The following GSG1L variants were observed in gnomAD, a reference collection of about 807,000 sequenced individuals.
GSG1L encodes the protein GSG1 like.
Under a neutral mutation model 42.1 loss-of-function variants are expected in GSG1L, and 24 were observed. The ratio of observed to expected loss-of-function variants is 0.57; its 90% CI spans 0.41 to 0.80. The LOEUF is 0.80. Ranked by LOEUF, GSG1L falls within the 30% of genes least tolerant of loss-of-function variation. The pLI is 0.00. For missense variants in GSG1L, 445 were observed against 472.2 expected (o/e 0.94, Z 0.53); for synonymous variants, 215 against 203.5 (o/e 1.06, Z -0.48).
At chr16:27,916,489 T>C in intron 2 of GSG1L, among the ~76,000 whole-genome samples, 1 of 140,550 alleles carries the variant, frequency 7.1e-6, no homozygotes, top group Admixed American at 7.0e-5. Flanking sequence ...TTTAATCCTT[T>C]TTTTTTTTTT....
At chr16:27,888,388 CTTTT>C (rs2141028198) in intron 2 of GSG1L, among the ~76,000 whole-genome samples, 1 of 151,988 alleles carries the variant, frequency 6.6e-6, no homozygotes, top group South Asian at 2.1e-4. Flanking sequence ...TTCTTTCTTT[CTTTT>C]CTTTTCTCCT....
intron 2 of GSG1L, among the ~76,000 whole-genome samples, chr16:27,921,069 C>T (rs1044831789): frequency 6.6e-6 from 1 of 152,208 alleles, no homozygotes; most frequent in Non-Finnish European, 1.5e-5. Flanking sequence ...CAAACATTTG[C>T]TGTGACCAGA....
chr16:28,057,102 G>A (rs1364071196), intron 1 of GSG1L, among the ~76,000 whole-genome samples: 5 of 152,156 alleles, frequency 3.3e-5, no homozygotes, highest in African/African-American at 1.2e-4. Flanking sequence ...GAGTGGGGAA[G>A]GGCAGGAGGC....
At chr16:27,945,549 G>A (rs755180129) in intron 2 of GSG1L, among the ~76,000 whole-genome samples, 1 of 152,188 alleles carries the variant, frequency 6.6e-6, no homozygotes, top group African/African-American at 2.4e-5. Context: ...GACAAGCAGG[G>A]GCCAGGGCAT....
chr16:27,892,771 CAGA>C (rs1220434667), intron 2 of GSG1L, among the ~76,000 whole-genome samples: 1 of 114,456 alleles, frequency 8.7e-6, no homozygotes, highest in Non-Finnish European at 1.7e-5. Flanking sequence ...GCCTGAGTGA[CAGA>C]AGGAGACTCA....
intron 1 of GSG1L, among the ~76,000 whole-genome samples, chr16:27,977,941 GA>G (rs1318198807): frequency 7.2e-5 from 11 of 152,228 alleles, no homozygotes; most frequent in Admixed American, 2.6e-4. Flanking sequence ...TTTGCAGCAT[GA>G]GAATCAAACA....
At chr16:28,016,186 G>A (rs1008670445) in intron 1 of GSG1L, among the ~76,000 whole-genome samples, 11 of 151,974 alleles carry the variant, frequency 7.2e-5, no homozygotes, top group Non-Finnish European at 1.2e-4. Flanking sequence ...GATGGGTTTC[G>A]CCATGTTGAC....
intron 2 of GSG1L, among the ~76,000 whole-genome samples, chr16:27,947,222 G>A (rs2084882865): frequency 6.6e-6 from 1 of 152,054 alleles, no homozygotes; most frequent in African/African-American, 2.4e-5. Context: ...GACCTCCCTG[G>A]CTCAAGCCAT....
intron 6 of GSG1L, among the ~76,000 whole-genome samples, chr16:27,798,799 A>G (rs1281262125): frequency 7.9e-5 from 12 of 152,168 alleles, no homozygotes. Context: ...TGCCTTGGAC[A>G]GAAGTGGGCA....
chr16:27,991,338 T>A (rs34000802), intron 1 of GSG1L, among the ~76,000 whole-genome samples: 1 of 9,720 alleles, frequency 1.0e-4, no homozygotes, highest in Admixed American at 1.5e-3. Context: ...TTTGTTTTTG[T>A]TTTTTTTTCA....
At chr16:27,949,614 C>A (rs1321794611) in intron 2 of GSG1L, among the ~76,000 whole-genome samples, 1 of 151,998 alleles carries the variant, frequency 6.6e-6, no homozygotes, top group Non-Finnish European at 1.5e-5. Flanking sequence ...AGTGAGACCC[C>A]ATCTCTAAAA....
At chr16:27,911,266 G>GCTCTCTCTCTCTCT (rs71648556) in intron 2 of GSG1L, among the ~76,000 whole-genome samples, 6 of 122,146 alleles carry the variant, frequency 4.9e-5, no homozygotes, top group East Asian at 2.2e-4. Context: ...CCTCTCTCTC[G>GCTCTCTCTCTCTCT]CTCTCTCTCT....
chr16:28,031,477 C>A (rs1053529588), intron 1 of GSG1L, among the ~76,000 whole-genome samples: 2 of 151,904 alleles, frequency 1.3e-5, no homozygotes, highest in Non-Finnish European at 2.9e-5. Flanking sequence ...TGGGATTCAG[C>A]CTGGCTCATA....
At chr16:27,909,973 T>C in intron 2 of GSG1L, among the ~76,000 whole-genome samples, 1 of 148,880 alleles carries the variant, frequency 6.7e-6, no homozygotes, top group Admixed American at 6.7e-5. Flanking sequence ...TTTTTTTTTT[T>C]TGTTTAGACA....
At chr16:28,013,809 A>G (rs552802362) in intron 1 of GSG1L, among the ~76,000 whole-genome samples, 2 of 152,374 alleles carry the variant, frequency 1.3e-5, no homozygotes, top group Admixed American at 1.3e-4. Flanking sequence ...CAGGCCTCCC[A>G]GACAGGAGGC....
intron 1 of GSG1L, among the ~76,000 whole-genome samples, chr16:27,969,744 T>C (rs2085172564): frequency 6.6e-6 from 1 of 152,234 alleles, no homozygotes; most frequent in South Asian, 2.1e-4. Flanking sequence ...TGCTGAGTCA[T>C]ATGTAACTCT....
intron 1 of GSG1L, among the ~76,000 whole-genome samples, chr16:28,003,807 C>G (rs1343487467): frequency 6.6e-6 from 1 of 152,180 alleles, no homozygotes; most frequent in African/African-American, 2.4e-5. Context: ...TTCCTCGGAC[C>G]TTAGGGAGTT....
At chr16:28,060,389 C>T (rs2086327726) in intron 1 of GSG1L, among the ~76,000 whole-genome samples, 1 of 152,118 alleles carries the variant, frequency 6.6e-6, no homozygotes, top group Non-Finnish European at 1.5e-5. Flanking sequence ...GGCTCCGATT[C>T]CCAAATTTCT....
At chr16:27,833,579 T>C (rs2140971060) in intron 4 of GSG1L, among the ~76,000 whole-genome samples, 1 of 152,322 alleles carries the variant, frequency 6.6e-6, no homozygotes, top group South Asian at 2.1e-4. Context: ...ATGAACATAG[T>C]ATATCTACCC....
Sources: gnomAD v4.1 joint callset for allele counts (sites outside exome capture counted in the v4.1 genomes callset) on GRCh38, gnomAD v4.1.1 for gene constraint, MANE v1.5 for transcripts, NCBI Gene and HGNC (gene_info 2026-07-23, HGNC 2026-07-21) for gene names.